Variants in LPXN observed in about 807,000 individuals in gnomAD.
LPXN encodes leupaxin.
In LPXN, 28 loss-of-function variants were observed where a neutral mutation model predicts 45.6. The ratio of observed to expected loss-of-function variants is 0.61; its 90% CI spans 0.45 to 0.84. LPXN has a LOEUF of 0.84. Ranked by LOEUF, LPXN falls within the 40% of genes least tolerant of loss-of-function variation. The pLI, the probability that LPXN is intolerant of heterozygous loss-of-function variation, is 0.00. For missense variants in LPXN, 459 were observed against 475.0 expected (o/e 0.97, Z 0.31); for synonymous variants, 166 against 169.9 (o/e 0.98, Z 0.18).
chr11:58,570,317 A>T (rs936412802), intron 2 of LPXN, among the ~76,000 whole-genome samples: 5 of 150,968 alleles, frequency 3.3e-5, no homozygotes, highest in African/African-American at 1.2e-4. Flanking sequence ...AATAAAAAAA[A>T]AATAAAAAAA....
chr11:58,555,664 A>T (rs1475281848), intron 3 of LPXN, among the ~76,000 whole-genome samples: 1 of 152,064 alleles, frequency 6.6e-6, no homozygotes, highest in Non-Finnish European at 1.5e-5. Context: ...TTAAGAAAAA[A>T]CAAAGCACTT....
At chr11:58,577,397 C>T (rs1854928024), upstream of LPXN, among the ~76,000 whole-genome samples, 1 of 152,188 alleles carries the variant, frequency 6.6e-6, no homozygotes. Flanking sequence ...GAAAAATGTA[C>T]TTCAGCACTT....
chr11:58,527,462 G>C lies in LPXN; in HGVS notation c.1153C>G (p.Pro385Ala), dbSNP rs1316403379. Residue 385 changes from proline to alanine, a missense_variant, in exon 9 of 9, where the codon CCA becomes GCA. By Grantham distance (27) the Pro-to-Ala change is conservative. Coordinates refer to ENST00000395074, the MANE Select transcript of LPXN (RefSeq NM_004811.3). Reference sequence around the variant, plus strand: ...CTATGGATCAGTTGGCATTACAGTGGGAAGAGCTTATTGAAGCAAGGTTGA... The same window carrying C: ...CTATGGATCAGTTGGCATTACAGTGCGAAGAGCTTATTGAAGCAAGGTTGA... ...YCQPCFNKLF[P>A]L 6.2e-7 allele frequency: 1 copy of C among 1,614,092 alleles called. No homozygotes were observed. The highest frequency in any genetic ancestry group is 1.1e-5 in the South Asian group (1 of 91,074).
intron 1 of LPXN, among the ~76,000 whole-genome samples, chr11:58,572,097 CT>C (rs1327815867): frequency 1.3e-5 from 2 of 152,064 alleles, no homozygotes; most frequent in Non-Finnish European, 2.9e-5. Context: ...CTCTAGCGGA[CT>C]TCTTACCACA....
At position 58,549,864 on chromosome 11, in the gene LPXN, C is replaced by A. The variant is rs1853990127; in HGVS notation, c.664G>T (p.Val222Leu). 6.2e-7 allele frequency: 1 copy of A among 1,614,002 alleles called. No homozygotes were observed. Among genetic ancestry groups the A allele is most frequent in the African/African-American group, 1.3e-5 (1 of 74,904 alleles). The change falls in exon 7 of 9, where the codon GTG becomes TTG. Residue 222 changes from valine (V) to leucine (L), a missense_variant. Physicochemically the swap from Val to Leu is conservative, Grantham distance 32. Transcript: ENST00000395074. The part of the protein sequence containing the change: ...AYCAAPILDK[V>L]LTAMNQTWHP... ...CAGGTCTGGTTCATTGCTGTCAGCACTTTCTGGAAAGGGAACACACAGATA... is the reference window on the plus strand; with the variant it reads ...CAGGTCTGGTTCATTGCTGTCAGCAATTTCTGGAAAGGGAACACACAGATA...
intron 1 of LPXN, among the ~76,000 whole-genome samples, chr11:58,575,103 T>C (rs1415872067): frequency 6.6e-6 from 1 of 152,216 alleles, no homozygotes. Flanking sequence ...CTGGTTAATA[T>C]GGTTAATAGT....
chr11:58,527,963 T>C lies in LPXN; in HGVS notation c.891+80A>G, dbSNP rs532127124. 4.5e-5 allele frequency: 68 copies of C among 1,494,854 alleles called. No homozygotes were observed. In the East Asian group the frequency reaches 1.2e-3, roughly 27 times the overall value. 92.6% of individuals were successfully genotyped at this position (1,494,854 alleles called of 1,614,324 possible). A position where few individuals can be genotyped will look rare whatever the true frequency, so the allele number is the denominator to read the frequency against. On this transcript the variant is annotated intron_variant, in intron 8 of 8. Transcript: ENST00000395074. ...TTCCTCATTCAGGACTGTGAACCCTTTCACTAACTGCAGCTCTTCCTCTCA... is the reference window on the plus strand; with the variant it reads ...TTCCTCATTCAGGACTGTGAACCCTCTCACTAACTGCAGCTCTTCCTCTCA...
At chr11:58,535,423 T>C (rs2120213981) in intron 7 of LPXN, among the ~76,000 whole-genome samples, 1 of 152,174 alleles carries the variant, frequency 6.6e-6, no homozygotes, top group South Asian at 2.1e-4. Flanking sequence ...ACAAAAACCA[T>C]GATTATCTCA....
At chr11:58,549,266 T>C (rs1853966913) in intron 7 of LPXN, among the ~76,000 whole-genome samples, 1 of 151,998 alleles carries the variant, frequency 6.6e-6, no homozygotes, top group African/African-American at 2.4e-5. Context: ...TGGTGGCAAG[T>C]GCCTGTAGTC....
At chr11:58,572,125 C>G (rs1328452884) in intron 1 of LPXN, among the ~76,000 whole-genome samples, 1 of 151,950 alleles carries the variant, frequency 6.6e-6, no homozygotes, top group Non-Finnish European at 1.5e-5. Flanking sequence ...AGCTTTCAAA[C>G]TTTAAACACA....
chr11:58,556,067 T>G (rs1854193029), intron 3 of LPXN, among the ~76,000 whole-genome samples: 1 of 152,066 alleles, frequency 6.6e-6, no homozygotes, highest in African/African-American at 2.4e-5. Flanking sequence ...ATTCTATAAA[T>G]AGCACAGAAA....
intron 7 of LPXN, among the ~76,000 whole-genome samples, chr11:58,533,356 G>C (rs1380117146): frequency 6.6e-6 from 1 of 152,344 alleles, no homozygotes; most frequent in Admixed American, 6.5e-5. Context: ...CCAGAAGAGA[G>C]TGGGGGCCAA....
intron 4 of LPXN, among the ~76,000 whole-genome samples, chr11:58,553,376 A>C (rs536451312): frequency 2.3e-4 from 35 of 152,092 alleles, no homozygotes; most frequent in Non-Finnish European, 4.7e-4. Flanking sequence ...GTAAATTAAA[A>C]ATTTAAATCA....
intron 3 of LPXN, among the ~76,000 whole-genome samples, chr11:58,560,010 T>C (rs1854324371): frequency 6.6e-6 from 1 of 152,164 alleles, no homozygotes; most frequent in African/African-American, 2.4e-5. Context: ...TGGTAATGAG[T>C]TGGTGAGAGG....
intron 3 of LPXN, among the ~76,000 whole-genome samples, chr11:58,561,515 G>A (rs974312813): frequency 3.3e-5 from 5 of 152,150 alleles, no homozygotes; most frequent in African/African-American, 1.2e-4. Flanking sequence ...ATCCATTGTG[G>A]ATGTTTCCCA....
At chr11:58,561,777 A>G (rs1049841894) in intron 3 of LPXN, among the ~76,000 whole-genome samples, 2 of 152,218 alleles carry the variant, frequency 1.3e-5, no homozygotes, top group Admixed American at 6.5e-5. Flanking sequence ...CTAGAGTCCT[A>G]GTGCAGTGTA....
At chr11:58,548,526 T>C (rs1853942184) in intron 7 of LPXN, among the ~76,000 whole-genome samples, 1 of 152,104 alleles carries the variant, frequency 6.6e-6, no homozygotes, top group Middle Eastern at 3.4e-3. Flanking sequence ...ACAGTTCTGT[T>C]GCATAACTTA....
upstream of LPXN, chr11:58,576,029 T>G: frequency 8.8e-7 from 1 of 1,131,862 alleles, no homozygotes; most frequent in Admixed American, 3.4e-5. Context: ...GGCAGTGCAT[T>G]GGCCAGGGTG....
At position 58,527,960 on chromosome 11, in the gene LPXN, C is replaced by T. The variant is rs1054568077; in HGVS notation, c.891+83G>A. On this transcript the variant is annotated intron_variant, in intron 8 of 8. Coordinates refer to ENST00000395074, the MANE Select transcript of LPXN (RefSeq NM_004811.3). The stretch of plus-strand genomic sequence containing the variant: ...CCATTCCTCATTCAGGACTGTGAAC[C>T]CTTTCACTAACTGCAGCTCTTCCTC... 13 of 1,469,038 alleles carry T rather than the reference C, an allele frequency of 8.8e-6. No homozygotes were observed. The South Asian group carries it at 1.4e-4, about 16-fold the overall frequency. 91.0% of individuals were successfully genotyped at this position (1,469,038 alleles called of 1,614,324 possible). A position where few individuals can be genotyped will look rare whatever the true frequency, so the allele number is the denominator to read the frequency against.
Sources: gnomAD v4.1 joint callset for allele counts (sites outside exome capture counted in the v4.1 genomes callset) on GRCh38, gnomAD v4.1.1 for gene constraint, MANE v1.5 for transcripts, NCBI Gene and HGNC (gene_info 2026-07-23, HGNC 2026-07-21) for gene names.